Variants in TMEM74 observed in about 807,000 individuals in gnomAD.
TMEM74 encodes transmembrane protein 74.
A neutral mutation model predicts 18.1 loss-of-function variants in TMEM74; 13 were observed. The observed-to-expected ratio is 0.72, with a 90% CI of 0.47 to 1.14. The LOEUF (loss-of-function observed/expected upper bound fraction) is 1.14, where lower values mean the gene tolerates loss of function less well. Among genes scored for constraint, TMEM74 ranks in the 50% most tolerant of loss-of-function variants. TMEM74 has a pLI of 0.00. For missense variants in TMEM74, 372 were observed against 375.9 expected (o/e 0.99, Z 0.09); for synonymous variants, 159 against 146.6 (o/e 1.08, Z -0.61).
At chr8:108,653,619 T>A (rs902408993) in intron 2 of TMEM74, among the ~76,000 whole-genome samples, 9 of 152,182 alleles carry the variant, frequency 5.9e-5, no homozygotes, top group African/African-American at 1.9e-4. Context: ...ATGTGAAACA[T>A]CTACTCTTTA....
chr8:108,637,080 T>C (rs1812614119), intron 2 of TMEM74, among the ~76,000 whole-genome samples: 1 of 152,128 alleles, frequency 6.6e-6, no homozygotes, highest in Non-Finnish European at 1.5e-5. Flanking sequence ...AAACTTCTCA[T>C]TACTCCTGCT....
intron 2 of TMEM74, among the ~76,000 whole-genome samples, chr8:108,610,403 A>G (rs1812323175): frequency 6.6e-6 from 1 of 152,224 alleles, no homozygotes; most frequent in Non-Finnish European, 1.5e-5. Context: ...GAAAAAATAG[A>G]AACATGAATC....
At chr8:108,787,381 G>A (rs748357413) in intron 1 of TMEM74, 95 bp downstream of exon 1, 4 of 152,264 alleles carry the variant, frequency 2.6e-5, no homozygotes, top group Non-Finnish European at 5.9e-5. Context: ...AGACGAAGGA[G>A]AGAGAGCGGG....
In TMEM74 at chr8:108,681,236, C is replaced by T. The variant is rs563633492; in HGVS notation, n.120-25799G>A. ...CAATCCTAAGCCAAAAGAACAAAGC[C>T]GGAGGCATCACGCTACCTGACTTCA... is the stretch of plus-strand genomic sequence containing the variant. On this transcript the variant is annotated intron_variant and non_coding_transcript_variant, in intron 1 of 3. Transcript: ENST00000518838. Among the ~76,000 whole-genome samples the T allele has an allele frequency of 4.9e-3, 751 of 152,010 alleles. 6 individuals carry two copies. Among genetic ancestry groups the T allele is most frequent in the African/African-American group, 6.2e-3 (259 of 41,486 alleles).
intron 1 of TMEM74, among the ~76,000 whole-genome samples, chr8:108,769,397 T>A (rs535714594): frequency 6.6e-6 from 1 of 152,218 alleles, no homozygotes; most frequent in South Asian, 2.1e-4. Flanking sequence ...TGAGAATTTC[T>A]CAGCAAGCGC....
At chr8:108,695,681 T>C (rs1440819957) in intron 1 of TMEM74, among the ~76,000 whole-genome samples, 1 of 152,130 alleles carries the variant, frequency 6.6e-6, no homozygotes, top group African/African-American at 2.4e-5. Context: ...ACCTTGATCT[T>C]CTCCCAATTT....
chr8:108,780,635 A>G lies in TMEM74; in HGVS notation c.*3546T>C, dbSNP rs914983294. On this transcript the variant is annotated 3_prime_UTR_variant, in exon 2 of 2. Coordinates refer to ENST00000297459, the MANE Select transcript of TMEM74 (RefSeq NM_153015.3). Reference sequence around the variant, plus strand: ...CCTAAAACAAATAAGTATGAGGGGGATGAACTCATATTTTAAGCAGACAGC... The same window carrying G: ...CCTAAAACAAATAAGTATGAGGGGGGTGAACTCATATTTTAAGCAGACAGC... Among the ~76,000 whole-genome samples the G allele has an allele frequency of 1.3e-5, 2 of 152,084 alleles. No individual in the cohort carries two copies.
intron 2 of TMEM74, among the ~76,000 whole-genome samples, chr8:108,610,040 C>T (rs1449777741): frequency 6.6e-6 from 1 of 152,112 alleles, no homozygotes; most frequent in Non-Finnish European, 1.5e-5. Context: ...GCATTAAGTA[C>T]CACCTGAAAA....
chr8:108,756,599 A>AAAGGGAGGAAGG (rs1316384798), intron 1 of TMEM74, among the ~76,000 whole-genome samples: 10 of 51,550 alleles, frequency 1.9e-4, no homozygotes, highest in East Asian at 1.8e-3. Context: ...AAAGAAAGAG[A>AAAGGGAGGAAGG]AAGGAAGGAA....
intron 1 of TMEM74, among the ~76,000 whole-genome samples, chr8:108,669,282 T>G (rs1812979042): frequency 6.6e-6 from 1 of 152,152 alleles, no homozygotes; most frequent in Non-Finnish European, 1.5e-5. Flanking sequence ...CCAAAGTCGC[T>G]GAGGCTGGGG....
chr8:108,770,345 A>G (rs986519557), intron 1 of TMEM74, among the ~76,000 whole-genome samples: 3 of 152,188 alleles, frequency 2.0e-5, no homozygotes, highest in Non-Finnish European at 4.4e-5. Context: ...ATAGAGGTCA[A>G]CAACAACAAA....
rs138031195 is a variant in TMEM74 at position 108,723,925 on chromosome 8, C to T, written n.119+63551G>A. Reference sequence around the variant, plus strand: ...CTAAAGTAAACGAAGGTGCTCCTGCCTTAGACATGGTGAAACTTCATTTGA... The same window carrying T: ...CTAAAGTAAACGAAGGTGCTCCTGCTTTAGACATGGTGAAACTTCATTTGA... On this transcript the variant is annotated intron_variant and non_coding_transcript_variant, in intron 1 of 3. Coordinates refer to the TMEM74 transcript ENST00000518838. Among the ~76,000 whole-genome samples, 78 of 152,224 alleles carry T rather than the reference C, an allele frequency of 5.1e-4. 1 individual carries two copies. Among genetic ancestry groups the T allele is most frequent in the African/African-American group, 1.8e-3 (76 of 41,542 alleles).
At chr8:108,630,598 A>G (rs900103681) in intron 2 of TMEM74, among the ~76,000 whole-genome samples, 3 of 152,044 alleles carry the variant, frequency 2.0e-5, no homozygotes, top group Admixed American at 1.3e-4. Flanking sequence ...ACCTCAGCAA[A>G]TGCAAGGAAA....
At chr8:108,655,855 T>C (rs1284947129) in intron 1 of TMEM74, among the ~76,000 whole-genome samples, 2 of 152,228 alleles carry the variant, frequency 1.3e-5, no homozygotes, top group East Asian at 1.9e-4. Flanking sequence ...TAGAACAATA[T>C]AGCACATCAA....
chr8:108,650,968 C>A (rs558301930), intron 2 of TMEM74, among the ~76,000 whole-genome samples: 4 of 152,106 alleles, frequency 2.6e-5, no homozygotes, highest in African/African-American at 9.7e-5. Flanking sequence ...ACCTCGGCCT[C>A]GCAAAGTGTT....
chr8:108,683,863 G>A (rs987957735), intron 1 of TMEM74, among the ~76,000 whole-genome samples: 47 of 151,812 alleles, frequency 3.1e-4, no homozygotes, highest in African/African-American at 9.4e-4. Flanking sequence ...TTTAACTTTC[G>A]TTTGCTGGTT....
chr8:108,656,652 A>AC (rs1415971496), intron 1 of TMEM74, among the ~76,000 whole-genome samples: 1 of 152,186 alleles, frequency 6.6e-6, no homozygotes, highest in Non-Finnish European at 1.5e-5. Flanking sequence ...AGACCAAAGT[A>AC]CATCCCTCAG....
intron 2 of TMEM74, among the ~76,000 whole-genome samples, chr8:108,630,941 A>T (rs1259491743): frequency 1.3e-5 from 2 of 151,986 alleles, no homozygotes; most frequent in East Asian, 3.9e-4. Flanking sequence ...CCTGGACAAG[A>T]CCCTGTTTCA....
At chr8:108,636,289 G>A (rs77367962) in intron 2 of TMEM74, among the ~76,000 whole-genome samples, 1,748 of 152,190 alleles carry the variant, frequency 0.011, 43 homozygotes, top group African/African-American at 0.04. Context: ...AGAGTTGGCA[G>A]AGAAGGAAGC....
Sources: gnomAD v4.1 joint callset for allele counts (sites outside exome capture counted in the v4.1 genomes callset) on GRCh38, gnomAD v4.1.1 for gene constraint, MANE v1.5 for transcripts, NCBI Gene and HGNC (gene_info 2026-07-23, HGNC 2026-07-21) for gene names.